Variants in GRID2 observed in about 807,000 individuals in gnomAD.
The protein encoded by GRID2 is glutamate ionotropic receptor delta type subunit 2.
GRID2 carries 33 observed loss-of-function variants against 114.8 expected under a neutral mutation model. The ratio of observed to expected loss-of-function variants is 0.29; its 90% CI spans 0.22 to 0.38. The LOEUF is 0.38. Ranked by LOEUF, GRID2 falls within the 10% of genes least tolerant of loss-of-function variation. GRID2 has a pLI of 1.00. For synonymous variants in GRID2, 505 were observed against 449.9 expected (o/e 1.12, Z -1.55); for missense variants, 1,184 against 1,257.7 (o/e 0.94, Z 0.89).
In GRID2 at chr4:92,411,649, G is replaced by GTATATATATA. The variant is rs1320090236; in HGVS notation, c.88+106906_88+106907insATATATATAT. 1.3e-3 allele frequency among the ~76,000 whole-genome samples: 124 copies of GTATATATATA among 94,840 alleles called. 1 individual carries two copies. The Middle Eastern group carries it at 0.016, about 13-fold the overall frequency. The allele number at this position is 94,840 out of a possible 152,430, so 62.2% of individuals were successfully genotyped here. A position where few individuals can be genotyped will look rare whatever the true frequency, so the allele number is the denominator to read the frequency against. ...CATGTGTGTGTGTGTGTGTGTGTGT[G>GTATATATATA]TGTGTGTATATATATATATATATAT... is the stretch of plus-strand genomic sequence containing the variant. On this transcript the variant is annotated intron_variant, in intron 1 of 15. Transcript: ENST00000282020.
intron 2 of GRID2, among the ~76,000 whole-genome samples, chr4:92,933,328 C>G (rs1364015868): frequency 1.3e-5 from 2 of 151,240 alleles, no homozygotes; most frequent in Non-Finnish European, 1.5e-5. Context: ...GTACCTTGAT[C>G]ACTAATTTAT....
intron 8 of GRID2, among the ~76,000 whole-genome samples, chr4:93,364,272 A>T (rs1762136878): frequency 6.6e-6 from 1 of 152,076 alleles, no homozygotes; most frequent in East Asian, 1.9e-4. Flanking sequence ...AATTTTTATA[A>T]CTTTGGAATT....
Position 93,633,455 on chromosome 4 carries a change from G to A in GRID2, c.2360+7020G>A, listed in dbSNP as rs978144673. Among the ~76,000 whole-genome samples, 6 of 151,938 alleles carry A rather than the reference G, an allele frequency of 3.9e-5. No homozygotes were observed. The East Asian group carries it at 5.8e-4, about 15-fold the overall frequency. ...GCTCCTGAGCTCCTTGAGTTCACAC[G>A]TGTGTTTGTACATCTCTAGTGCCCA... On this transcript the variant is annotated intron_variant, in intron 14 of 15. Transcript: ENST00000282020.
intron 8 of GRID2, among the ~76,000 whole-genome samples, chr4:93,275,114 C>T (rs1424340269): frequency 6.6e-6 from 1 of 151,900 alleles, no homozygotes; most frequent in Non-Finnish European, 1.5e-5. Flanking sequence ...TCTACTTTAT[C>T]TTTCTATGAA....
chr4:92,858,108 G>T (rs1744294887), intron 2 of GRID2, among the ~76,000 whole-genome samples: 1 of 152,200 alleles, frequency 6.6e-6, no homozygotes, highest in Admixed American at 6.5e-5. Flanking sequence ...AATTGCCAAT[G>T]CAACCTGGTC....
At chr4:93,785,302 A>G (rs1374747451) in intron 1 of GRID2, among the ~76,000 whole-genome samples, 2 of 152,210 alleles carry the variant, frequency 1.3e-5, no homozygotes, top group Non-Finnish European at 2.9e-5. Context: ...AGACAATTTA[A>G]CAGGCAATGA....
chr4:92,848,795 C>A, intron 2 of GRID2, among the ~76,000 whole-genome samples: 1 of 151,890 alleles, frequency 6.6e-6, no homozygotes, highest in African/African-American at 2.4e-5. Flanking sequence ...CTAATCTAAT[C>A]TGACTGGTGG....
At chr4:92,965,774 A>T (rs1372239793) in intron 2 of GRID2, among the ~76,000 whole-genome samples, 2 of 151,008 alleles carry the variant, frequency 1.3e-5, no homozygotes, top group African/African-American at 4.8e-5. Context: ...TATAGCCAGT[A>T]TCAATTTAAA....
rs374431110 is a variant in GRID2 at position 93,115,402 on chromosome 4, G to GACACACACACAC, written c.735+4459_735+4470dup. ...TTATGTGGCATTCCAAGTATATACAGACACACACACACACACACACATTTT... is the reference window on the plus strand; with the variant it reads ...TTATGTGGCATTCCAAGTATATACAGACACACACACACACACACACACACACACACACATTTT... On this transcript the variant is annotated intron_variant, in intron 4 of 15. Transcript: ENST00000282020. Among the ~76,000 whole-genome samples, 458 of 144,572 alleles carry GACACACACACAC rather than the reference G, an allele frequency of 3.2e-3. 2 individuals are homozygous for GACACACACACAC. Among genetic ancestry groups the GACACACACACAC allele is most frequent in the African/African-American group, 4.1e-3 (159 of 39,242 alleles). The allele number at this position is 144,572 out of a possible 152,430, so 94.8% of individuals were successfully genotyped here. A position where few individuals can be genotyped will look rare whatever the true frequency, so the allele number is the denominator to read the frequency against.
At chr4:93,730,322 A>G (rs1311763722) in intron 14 of GRID2, among the ~76,000 whole-genome samples, 1 of 152,230 alleles carries the variant, frequency 6.6e-6, no homozygotes, top group Non-Finnish European at 1.5e-5. Flanking sequence ...CAGCCTAGAT[A>G]GTAGTTAAGA....
intron 1 of GRID2, among the ~76,000 whole-genome samples, chr4:92,334,055 C>G (rs1727038938): frequency 6.6e-6 from 1 of 152,170 alleles, no homozygotes; most frequent in South Asian, 2.1e-4. Flanking sequence ...TGGTTCACTG[C>G]TCTTAAATTC....
chr4:92,385,264 T>C (rs1729890018), intron 1 of GRID2, among the ~76,000 whole-genome samples: 2 of 151,938 alleles, frequency 1.3e-5, no homozygotes, highest in African/African-American at 4.8e-5. Context: ...TTTGCTCATT[T>C]CTAGACATGA....
chr4:93,188,029 T>A (rs965690920), intron 4 of GRID2, among the ~76,000 whole-genome samples: 4 of 152,184 alleles, frequency 2.6e-5, no homozygotes, highest in Admixed American at 6.5e-5. Context: ...GTATTGCAGC[T>A]CTCACAGGGT....
intron 4 of GRID2, among the ~76,000 whole-genome samples, chr4:93,196,302 C>G (rs1741482564): frequency 6.6e-6 from 1 of 152,130 alleles, no homozygotes; most frequent in African/African-American, 2.4e-5. Context: ...AAGACTATAC[C>G]TCCTGAGCTT....
chr4:92,879,391 T>C (rs1745846966), intron 2 of GRID2, among the ~76,000 whole-genome samples: 1 of 152,182 alleles, frequency 6.6e-6, no homozygotes, highest in Non-Finnish European at 1.5e-5. Context: ...AAGTAAATAG[T>C]ACTACATCTG....
chr4:92,970,186 G>C (rs905010164), intron 2 of GRID2, among the ~76,000 whole-genome samples: 12 of 151,894 alleles, frequency 7.9e-5, no homozygotes, highest in African/African-American at 2.9e-4. Context: ...CAGAGATGTG[G>C]TAGGAGCTCA....
chr4:92,983,440 T>A (rs1754334986), intron 2 of GRID2, among the ~76,000 whole-genome samples: 2 of 152,082 alleles, frequency 1.3e-5, no homozygotes, highest in Non-Finnish European at 2.9e-5. Flanking sequence ...GTCATCACAT[T>A]AGCAATACCT....
At chr4:93,095,338 A>G (rs1321326566) in intron 3 of GRID2, among the ~76,000 whole-genome samples, 1 of 151,880 alleles carries the variant, frequency 6.6e-6, no homozygotes, top group Non-Finnish European at 1.5e-5. Flanking sequence ...ATGTATTCTC[A>G]TTGTTCAACT....
At chr4:92,598,148 T>C (rs1369296462) in intron 2 of GRID2, among the ~76,000 whole-genome samples, 1 of 152,064 alleles carries the variant, frequency 6.6e-6, no homozygotes, top group Admixed American at 6.6e-5. Context: ...ACAGAAAAGC[T>C]CTCTTTTAAA....
Sources: gnomAD v4.1 joint callset for allele counts (sites outside exome capture counted in the v4.1 genomes callset) on GRCh38, gnomAD v4.1.1 for gene constraint, MANE v1.5 for transcripts, NCBI Gene and HGNC (gene_info 2026-07-23, HGNC 2026-07-21) for gene names.